Variants in ACVR1 observed in about 807,000 individuals in gnomAD.
ACVR1 encodes activin A receptor type 1, also known as activin receptor type-1.
ACVR1 carries 38 observed loss-of-function variants against 57.1 expected under a neutral mutation model. The observed-to-expected ratio is 0.67, with a 90% CI of 0.51 to 0.87. The LOEUF is 0.87. Ranked by LOEUF, ACVR1 falls within the 40% of genes least tolerant of loss-of-function variation. The probability of loss-of-function intolerance (pLI) is 0.00; values close to 1 mark genes in which losing one functional copy is unlikely to be tolerated. For missense variants in ACVR1, 463 were observed against 638.2 expected, an observed-to-expected ratio of 0.73 and a Z score of 2.96; for synonymous variants, 212 against 228.1, an observed-to-expected ratio of 0.93 and a Z score of 0.63.
chr2:157,781,661 AG>A (rs1414690318), intron 3 of ACVR1, among the ~76,000 whole-genome samples: 2 of 152,234 alleles, frequency 1.3e-5, no homozygotes, highest in Non-Finnish European at 2.9e-5. Flanking sequence ...CAATGGAAAG[AG>A]GCAGAAACGG....
intron 1 of ACVR1, among the ~76,000 whole-genome samples, chr2:157,827,433 G>A (rs778901755): frequency 3.9e-5 from 6 of 152,182 alleles, no homozygotes; most frequent in Non-Finnish European, 8.8e-5. Flanking sequence ...GGTTTTGTGT[G>A]TGTATATACT....
intron 7 of ACVR1, among the ~76,000 whole-genome samples, chr2:157,766,608 C>T (rs936435653): frequency 6.6e-6 from 1 of 152,154 alleles, no homozygotes; most frequent in Non-Finnish European, 1.5e-5. Flanking sequence ...CCTGACTCTG[C>T]CTGTGATTTA....
chr2:157,787,928 C>T (rs936146456), intron 3 of ACVR1, among the ~76,000 whole-genome samples: 1 of 152,138 alleles, frequency 6.6e-6, no homozygotes, highest in African/African-American at 2.4e-5. Context: ...TGGACTGGGC[C>T]TCCTCCAAGG....
At chr2:157,779,179 A>G (rs1686411030) in intron 4 of ACVR1, among the ~76,000 whole-genome samples, 1 of 152,220 alleles carries the variant, frequency 6.6e-6, no homozygotes, top group Non-Finnish European at 1.5e-5. Flanking sequence ...AAAATCTTCT[A>G]TTAAAACTCA....
In ACVR1 at chr2:157,787,032, GA is replaced by G. The variant is rs954203460; in HGVS notation, c.68-6433del. Reference sequence around the variant, plus strand: ...CCTGCACTTGAACTGCTGAAGCTGAGAAAAAAAAAAAAGTGCCATCTGTTTA... The same window carrying G: ...CCTGCACTTGAACTGCTGAAGCTGAGAAAAAAAAAAAGTGCCATCTGTTTA... On this transcript the variant is annotated intron_variant, in intron 3 of 10. Transcript: ENST00000434821. Among the ~76,000 whole-genome samples, 497 of 143,512 alleles carry G rather than the reference GA, an allele frequency of 3.5e-3. 3 individuals are homozygous for G. The highest frequency in any genetic ancestry group is 1.0e-2 in the African/African-American group (393 of 39,324). The allele number at this position is 143,512 out of a possible 152,430, so 94.1% of individuals were successfully genotyped here. A position where few individuals can be genotyped will look rare whatever the true frequency, so the allele number is the denominator to read the frequency against.
chr2:157,871,094 A>G lies in ACVR1; in HGVS notation c.-183+4702T>C, dbSNP rs923509494. On this transcript the variant is annotated intron_variant, in intron 1 of 10. Coordinates refer to ENST00000434821, the MANE Select transcript of ACVR1 (RefSeq NM_001111067.4). ...GATGAATAAGACAGTCCCTTGCCTC[A>G]AGGAGCCCAGGGAGAGAATTTGAAA... Among the ~76,000 whole-genome samples, 43 of 152,310 alleles carry G rather than the reference A, an allele frequency of 2.8e-4. 2 individuals are homozygous for G. Among genetic ancestry groups the G allele is most frequent in the Admixed American group, 1.9e-3 (29 of 15,304 alleles).
intron 1 of ACVR1, among the ~76,000 whole-genome samples, chr2:157,839,043 C>T (rs1267622969): frequency 2.0e-5 from 3 of 152,212 alleles, no homozygotes; most frequent in Non-Finnish European, 2.9e-5. Flanking sequence ...CAGAACTGAA[C>T]ATCTGAGTGT....
At chr2:157,787,403 G>A (rs1200950809) in intron 3 of ACVR1, among the ~76,000 whole-genome samples, 3 of 152,050 alleles carry the variant, frequency 2.0e-5, no homozygotes, top group African/African-American at 2.4e-5. Flanking sequence ...AAGGCCTACC[G>A]GGAACTGCCT....
intron 1 of ACVR1, chr2:157,860,058 A>AT (rs1432014930): frequency 6.6e-6 from 1 of 152,076 alleles, no homozygotes; most frequent in African/African-American, 2.4e-5. Flanking sequence ...TCACAACCTC[A>AT]TGAGGTGGGC....
chr2:157,873,321 T>C (rs1690171992), intron 1 of ACVR1, among the ~76,000 whole-genome samples: 1 of 152,144 alleles, frequency 6.6e-6, no homozygotes, highest in Non-Finnish European at 1.5e-5. Context: ...TAATAAGACA[T>C]ATGGTGTTTG....
At chr2:157,789,940 A>C (rs2105293302) in intron 3 of ACVR1, among the ~76,000 whole-genome samples, 1 of 152,350 alleles carries the variant, frequency 6.6e-6, no homozygotes. Flanking sequence ...AGTTTACTGA[A>C]CTGCTGTAAG....
At chr2:157,742,163 C>T (rs1374262885) in intron 9 of ACVR1, among the ~76,000 whole-genome samples, 1 of 152,168 alleles carries the variant, frequency 6.6e-6, no homozygotes, top group Non-Finnish European at 1.5e-5. Context: ...ACAACAGTGC[C>T]TCATTTCTGC....
chr2:157,808,604 G>T (rs527777918), intron 2 of ACVR1, among the ~76,000 whole-genome samples: 1 of 152,252 alleles, frequency 6.6e-6, no homozygotes, highest in Admixed American at 6.5e-5. Flanking sequence ...GGATTGCTTG[G>T]ATCTCTAGTT....
chr2:157,824,439 G>C (rs974219079), intron 1 of ACVR1, among the ~76,000 whole-genome samples: 1 of 152,290 alleles, frequency 6.6e-6, no homozygotes, highest in Non-Finnish European at 1.5e-5. Flanking sequence ...CTGCACTCCA[G>C]CCTGGGCAAC....
chr2:157,810,715 A>G (rs1687721727), intron 2 of ACVR1, among the ~76,000 whole-genome samples: 1 of 152,134 alleles, frequency 6.6e-6, no homozygotes, highest in East Asian at 1.9e-4. Flanking sequence ...TTACATCATC[A>G]TAAGCAACAA....
intron 3 of ACVR1, among the ~76,000 whole-genome samples, chr2:157,795,575 C>T (rs2105300849): frequency 6.6e-6 from 1 of 152,216 alleles, no homozygotes; most frequent in South Asian, 2.1e-4. Flanking sequence ...ATGCTCTTTT[C>T]CATACTTGTA....
At chr2:157,760,504 C>G (rs2105251615) in intron 9 of ACVR1, among the ~76,000 whole-genome samples, 1 of 152,228 alleles carries the variant, frequency 6.6e-6, no homozygotes, top group African/African-American at 2.4e-5. Flanking sequence ...GATGTACAGC[C>G]TAAATGTCCT....
rs781127382 is a variant in ACVR1 at position 157,737,525 on chromosome 2, A to G, written c.*6T>C. The G allele has an allele frequency of 6.2e-7, 1 of 1,613,984 alleles. No homozygotes were observed. The highest frequency in any genetic ancestry group is 1.1e-5 in the South Asian group (1 of 91,078). ...TCAAATCTTCCTTCTTGACACTATG[A>G]AAATGTCAACAGTCAGTTTTCAATT... On this transcript the variant is annotated 3_prime_UTR_variant, in exon 11 of 11. Transcript: ENST00000434821.
At chr2:157,816,666 AG>A (rs1687950369) in intron 2 of ACVR1, among the ~76,000 whole-genome samples, 1 of 152,192 alleles carries the variant, frequency 6.6e-6, no homozygotes. Context: ...TCCTTTAAAA[AG>A]AATGCACCTA....
Sources: gnomAD v4.1 joint callset for allele counts (sites outside exome capture counted in the v4.1 genomes callset) on GRCh38, gnomAD v4.1.1 for gene constraint, MANE v1.5 for transcripts, NCBI Gene and HGNC (gene_info 2026-07-23, HGNC 2026-07-21) for gene names.